The following PRG3 variants were observed in gnomAD, a reference collection of about 807,000 sequenced individuals.
PRG3 encodes the protein proteoglycan 3.
In PRG3, 25 loss-of-function variants were observed where a neutral mutation model predicts 26.1. The ratio of observed to expected loss-of-function variants is 0.96; its 90% CI spans 0.70 to 1.34. The LOEUF (loss-of-function observed/expected upper bound fraction) is 1.34. Ranked by LOEUF, PRG3 falls within the 40% of genes most tolerant of loss-of-function variation. The pLI is 0.00. For missense variants in PRG3, 280 were observed against 264.8 expected, an observed-to-expected ratio of 1.06 and a Z score of -0.40; for synonymous variants, 111 against 100.4, an observed-to-expected ratio of 1.11 and a Z score of -0.63.
At chr11:57,377,293 T>A (rs1856953949) in intron 5 of PRG3, among the ~76,000 whole-genome samples, 1 of 152,204 alleles carries the variant, frequency 6.6e-6, no homozygotes, top group South Asian at 2.1e-4. Flanking sequence ...ACATATGGTC[T>A]CAGCCACTAT....
chr11:57,379,793 G>A lies in PRG3; in HGVS notation c.76C>T (p.His26Tyr), dbSNP rs767884184. The change falls in exon 3 of 6, where the codon CAT becomes TAT. Residue 26 changes from histidine to tyrosine, a missense_variant. Physicochemically the swap from His to Tyr is moderately conservative, Grantham distance 83. Transcript: ENST00000287143. ...SALHLENDAP[H>Y]LESLETQADL... ...GCCTGTGTCTCTAGGCTCTCCAGATGGGGGGCATCATTCTCTGGGAAGAAG... is the reference window on the plus strand; with the variant it reads ...GCCTGTGTCTCTAGGCTCTCCAGATAGGGGGCATCATTCTCTGGGAAGAAG... 6 of 1,607,410 alleles carry A rather than the reference G, an allele frequency of 3.7e-6. No homozygotes were observed. Among genetic ancestry groups the A allele is most frequent in the Non-Finnish European group, 4.3e-6 (5 of 1,176,112 alleles).
chr11:57,378,699 T>A lies in PRG3; in HGVS notation c.489A>T (p.Gly163=). 1 of 1,613,656 alleles carries A rather than the reference T, an allele frequency of 6.2e-7. No individual in the cohort carries two copies. Among genetic ancestry groups the A allele is most frequent in the African/African-American group, 1.3e-5 (1 of 75,036 alleles). Residue 163 remains glycine (G), a synonymous_variant, in exon 4 of 6, where the codon GGA becomes GGT. Coordinates refer to ENST00000287143, the MANE Select transcript of PRG3 (RefSeq NM_006093.4). ...STVNQAQVWI[G]GNLRGWFLWK... ...GACTTACCCAGCCCCTGAGGTTGCCTCCAATCCAGACCTGGGCTTGGTTGA... is the reference window on the plus strand; with the variant it reads ...GACTTACCCAGCCCCTGAGGTTGCCACCAATCCAGACCTGGGCTTGGTTGA...
At chr11:57,379,473 A>T in intron 3 of PRG3, 21 bp downstream of exon 3, 2 of 1,581,742 alleles carry the variant, frequency 1.3e-6, no homozygotes, top group Non-Finnish European at 1.7e-6. Context: ...GGTCCTCCGC[A>T]GTAGCCTCCC....
Position 57,376,847 on chromosome 11 carries a change from G to A in PRG3, c.*3C>T, listed in dbSNP as rs775355769. 3.1e-6 allele frequency: 5 copies of A among 1,612,556 alleles called. No individual in the cohort carries two copies. In the Admixed American group the frequency reaches 5.0e-5, roughly 16 times the overall value. ...CTGCTGGCAGGGTCTCCGTGCCGCT[G>A]GCTTAGAAGGAGCAGACGAAGGGCA... On this transcript the variant is annotated 3_prime_UTR_variant, in exon 6 of 6. Coordinates refer to ENST00000287143, the MANE Select transcript of PRG3 (RefSeq NM_006093.4).
At position 57,380,657 on chromosome 11, in the gene PRG3, G is replaced by A; in HGVS notation, c.52C>T (p.Leu18Phe). Residue 18 changes from leucine to phenylalanine, a missense_variant, in exon 2 of 6, where the codon CTT (leucine) becomes TTT (phenylalanine). Physicochemically the swap from Leu to Phe is conservative, Grantham distance 22. Transcript: ENST00000287143. The stretch of plus-strand genomic sequence containing the variant: ...GAAGGGAGAGACTTACCCAGATGAA[G>A]AGCAGAAACTGTTCCCAGCAGGAGA... ...PFLLLGTVSA[L>F]HLENDAPHLE... 8 of 1,580,010 alleles carry A rather than the reference G, an allele frequency of 5.1e-6. No individual in the cohort carries two copies. Among genetic ancestry groups the A allele is most frequent in the East Asian group, 2.3e-5 (1 of 43,594 alleles).
intron 2 of PRG3, among the ~76,000 whole-genome samples, 184 bp from the exon 3 acceptor site, chr11:57,379,991 C>T (rs1368963226): frequency 2.0e-5 from 3 of 152,206 alleles, no homozygotes; most frequent in African/African-American, 7.2e-5. Context: ...AAGAACCTGA[C>T]TTCTGGCCGA....
chr11:57,378,462 T>A (rs1263026528), intron 4 of PRG3, among the ~76,000 whole-genome samples: 1 of 151,482 alleles, frequency 6.6e-6, no homozygotes, highest in Non-Finnish European at 1.5e-5. Context: ...ACTCCCACCA[T>A]GGCTGATGTC....
intron 4 of PRG3, among the ~76,000 whole-genome samples, chr11:57,378,045 C>T (rs1392178712): frequency 6.6e-6 from 1 of 152,162 alleles, no homozygotes; most frequent in African/African-American, 2.4e-5. Flanking sequence ...ACTGTGCGTA[C>T]GTTATCTCCT....
intron 2 of PRG3, 65 bp from the exon 3 acceptor site, chr11:57,379,872 C>T: frequency 7.0e-7 from 1 of 1,434,610 alleles, no homozygotes. Context: ...GTGGACAGCT[C>T]CAGCAACGTC....
chr11:57,377,012 C>G lies in PRG3; in HGVS notation c.620-104G>C. On this transcript the variant is annotated intron_variant, in intron 5 of 5. Coordinates refer to ENST00000287143, the MANE Select transcript of PRG3 (RefSeq NM_006093.4). ...CCCCTATGTCCCCATCTATGGCCAT[C>G]GTCATCTGCCAGCTGTGTGCTTGCC... 3.5e-6 allele frequency: 4 copies of G among 1,147,082 alleles called. 1 individual carries two copies. In the South Asian group the frequency reaches 5.1e-5, roughly 15 times the overall value. 71.1% of individuals were successfully genotyped at this position (1,147,082 alleles called of 1,614,324 possible). A position where few individuals can be genotyped will look rare whatever the true frequency, so the allele number is the denominator to read the frequency against.
In PRG3 at chr11:57,378,563, T is replaced by C. The variant is rs923223849; in HGVS notation, c.507+118A>G. 2.2e-6 allele frequency: 3 copies of C among 1,365,488 alleles called. No homozygotes were observed. In the Admixed American group the frequency reaches 5.9e-5, roughly 27 times the overall value. The allele number at this position is 1,365,488 out of a possible 1,614,324, so 84.6% of individuals were successfully genotyped here. ...GCCAGTACAAGCCATCTCCAGCACATCATTGCCTGCCACATTAAGGAAACC... is the reference window on the plus strand; with the variant it reads ...GCCAGTACAAGCCATCTCCAGCACACCATTGCCTGCCACATTAAGGAAACC... On this transcript the variant is annotated intron_variant, in intron 4 of 5. Transcript: ENST00000287143.
At chr11:57,380,207 C>T (rs112520933) in intron 2 of PRG3, among the ~76,000 whole-genome samples, 2,026 of 152,206 alleles carry the variant, frequency 0.013, 42 homozygotes, top group African/African-American at 0.045. Flanking sequence ...TGAGACCAGC[C>T]TGGCAAATAT....
At chr11:57,378,928 A>T (rs1275388623) in intron 3 of PRG3, 116 bp from the exon 4 acceptor site, 2 of 1,216,308 alleles carry the variant, frequency 1.6e-6, no homozygotes, top group African/African-American at 3.0e-5. Flanking sequence ...GCCTCCCTTA[A>T]TCCTATCTTT....
At chr11:57,381,050 A>G (rs576950092) in intron 1 of PRG3, 64 bp downstream of exon 1, 25 of 167,958 alleles carry the variant, frequency 1.5e-4, no homozygotes, top group African/African-American at 4.8e-4. Flanking sequence ...TGTTTGCCCT[A>G]TGAGGTGCTG....
At position 57,380,561 on chromosome 11, in the gene PRG3, CAT is replaced by C. The variant is rs1856989820; in HGVS notation, c.61+85_61+86del. 4.9e-6 allele frequency: 6 copies of C among 1,230,882 alleles called. No individual in the cohort carries two copies. In the South Asian group the frequency reaches 9.1e-5, roughly 19 times the overall value. 76.2% of individuals were successfully genotyped at this position (1,230,882 alleles called of 1,614,324 possible). On this transcript the variant is annotated intron_variant, in intron 2 of 5. Coordinates refer to ENST00000287143, the MANE Select transcript of PRG3 (RefSeq NM_006093.4). ...AGAGGGAAGGCTGTGGTCCTGGCCT[CAT>C]GAGTGCAAATAAAAGCGGGGGGAGG...
intron 4 of PRG3, among the ~76,000 whole-genome samples, chr11:57,378,231 C>A (rs943398599): frequency 6.6e-6 from 1 of 152,142 alleles, no homozygotes; most frequent in East Asian, 1.9e-4. Context: ...CCAGAACCAC[C>A]CTGAGAGAAG....
Position 57,378,672 on chromosome 11 carries a change from C to T in PRG3, c.507+9G>A, listed in dbSNP as rs763378362. 14 of 1,611,838 alleles carry T rather than the reference C, an allele frequency of 8.7e-6. No homozygotes were observed. The African/African-American group carries it at 1.7e-4, about 20-fold the overall frequency. On this transcript the variant is annotated intron_variant, in intron 4 of 5. Coordinates refer to ENST00000287143, the MANE Select transcript of PRG3 (RefSeq NM_006093.4). Reference sequence around the variant, plus strand: ...ACTTACTGCACCCAAGATTTGGCCCCTGACTTACCCAGCCCCTGAGGTTGC... The same window carrying T: ...ACTTACTGCACCCAAGATTTGGCCCTTGACTTACCCAGCCCCTGAGGTTGC...
In PRG3 at chr11:57,379,587, C is replaced by G. The variant is rs759344823; in HGVS notation, c.282G>C (p.Arg94Ser). 35 of 1,613,892 alleles carry G rather than the reference C, an allele frequency of 2.2e-5. No individual in the cohort carries two copies. The highest frequency in any genetic ancestry group is 3.0e-5 in the Non-Finnish European group (35 of 1,180,022). ...CCTGCACTTCAACAATGTCTTCTTC[C>G]CTGGGGCACTGGAAGTCCTTGTCTA... ...AALDKDFQCP[R>S]EEDIVEVQGS... Residue 94 changes from arginine to serine, a missense_variant, in exon 3 of 6, where the codon AGG becomes AGC. Coordinates refer to ENST00000287143, the MANE Select transcript of PRG3 (RefSeq NM_006093.4).
In PRG3 at chr11:57,379,667, C is replaced by G. The variant is rs538183823; in HGVS notation, c.202G>C (p.Ala68Pro). The change falls in exon 3 of 6, where the codon GCC becomes CCC. Residue 68 changes from alanine to proline, a missense_variant. By Grantham distance (27) the Ala-to-Pro change is conservative. Coordinates refer to ENST00000287143, the MANE Select transcript of PRG3 (RefSeq NM_006093.4). Reference sequence around the variant, plus strand: ...TCATCCTCAAAGTTGTCTTGACAGGCAGAAGCCTTGACCTCCTCTCCCTCT... The same window carrying G: ...TCATCCTCAAAGTTGTCTTGACAGGGAGAAGCCTTGACCTCCTCTCCCTCT... ...QAEGEEVKASACQDNFEDEEA... is the reference protein window; with the variant it reads ...QAEGEEVKASPCQDNFEDEEA... 2 of 1,613,962 alleles carry G rather than the reference C, an allele frequency of 1.2e-6. No homozygotes were observed. The highest frequency in any genetic ancestry group is 2.2e-5 in the South Asian group (2 of 91,074).
Sources: gnomAD v4.1 joint callset for allele counts (sites outside exome capture counted in the v4.1 genomes callset) on GRCh38, gnomAD v4.1.1 for gene constraint, MANE v1.5 for transcripts, NCBI Gene and HGNC (gene_info 2026-07-23, HGNC 2026-07-21) for gene names.